The following PRR5 variants were observed in gnomAD, a reference collection of about 807,000 sequenced individuals.
PRR5 encodes the protein proline-rich protein 5.
In PRR5, 25 loss-of-function variants were observed where a neutral mutation model predicts 30.6. That is an observed-to-expected ratio of 0.82 (90% CI 0.60 to 1.14). The LOEUF (loss-of-function observed/expected upper bound fraction) is 1.14. PRR5 is among the 50% of genes most tolerant of loss of function. The probability of loss-of-function intolerance (pLI) is 0.00; values close to 1 mark genes in which losing one functional copy is unlikely to be tolerated. For synonymous variants in PRR5, 286 were observed against 247.1 expected, an observed-to-expected ratio of 1.16 and a Z score of -1.48; for missense variants, 600 against 547.1, an observed-to-expected ratio of 1.10 and a Z score of -0.96.
chr22:44,726,467 C>A (rs1349703319), intron 3 of PRR5, 110 bp from the exon 4 acceptor site: 4 of 1,510,230 alleles, frequency 2.6e-6, no homozygotes, highest in South Asian at 2.4e-5. Context: ...GTCTCCTCCC[C>A]CTTTAAGCCT....
At chr22:44,716,440 G>A (rs766053135) in intron 2 of PRR5, among the ~76,000 whole-genome samples, 2 of 152,220 alleles carry the variant, frequency 1.3e-5, no homozygotes, top group Non-Finnish European at 2.9e-5. Context: ...GGAAGCCAAG[G>A]TAGGGGGATC....
At chr22:44,730,363 C>G (rs1921722090) in intron 4 of PRR5, 1 of 984,714 alleles carries the variant, frequency 1.0e-6, no homozygotes, top group Non-Finnish European at 1.2e-6. Flanking sequence ...ACAGCAGAGG[C>G]CTTGGGGACA....
chr22:44,689,544 G>T (rs1003994353), intron 1 of PRR5, among the ~76,000 whole-genome samples: 1 of 152,238 alleles, frequency 6.6e-6, no homozygotes, highest in Non-Finnish European at 1.5e-5. Context: ...ACTGAGCTCC[G>T]TGTAGGCTGG....
intron 4 of PRR5, among the ~76,000 whole-genome samples, chr22:44,728,471 G>T (rs112836423): frequency 6.6e-6 from 1 of 152,232 alleles, no homozygotes; most frequent in Admixed American, 6.5e-5. Context: ...ACACGGACCC[G>T]AGGGTGACAG....
intron 1 of PRR5, among the ~76,000 whole-genome samples, chr22:44,710,002 A>T (rs529720318): frequency 2.3e-4 from 35 of 152,208 alleles, no homozygotes; most frequent in Admixed American, 6.5e-4. Context: ...GTGTGGTGGT[A>T]CACCACCCTG....
intron 7 of PRR5, among the ~76,000 whole-genome samples, chr22:44,736,038 TCTTGGGATTG>T (rs1923181420): frequency 6.6e-6 from 1 of 152,168 alleles, no homozygotes; most frequent in South Asian, 2.1e-4. Context: ...TGGTGGCCAC[TCTTGGGATTG>T]CAGGGTCCTG....
upstream of PRR5, among the ~76,000 whole-genome samples, chr22:44,698,062 T>C (rs1925921871): frequency 6.6e-6 from 1 of 152,162 alleles, no homozygotes; most frequent in South Asian, 2.1e-4. Flanking sequence ...TCTGTTCCTG[T>C]CCCCTGGGTG....
upstream of PRR5, among the ~76,000 whole-genome samples, chr22:44,672,271 G>A (rs2086613784): frequency 6.6e-6 from 1 of 152,178 alleles, no homozygotes; most frequent in Non-Finnish European, 1.5e-5. Flanking sequence ...GGATGGGGAA[G>A]GGCCAAGTCC....
chr22:44,704,347 G>A (rs1199831686), intron 1 of PRR5, among the ~76,000 whole-genome samples: 1 of 152,056 alleles, frequency 6.6e-6, no homozygotes, highest in Admixed American at 6.6e-5. Context: ...AGACAGGTGG[G>A]GGCACTGGCT....
At chr22:44,692,187 CGGGGCTCCTCCTCCCACGCTCCTCCACCA>C (rs1601967782) in intron 1 of PRR5, among the ~76,000 whole-genome samples, 3 of 142,916 alleles carry the variant, frequency 2.1e-5, no homozygotes, top group South Asian at 4.5e-4. Flanking sequence ...CTCCTCCACC[CGGGGCTCCTCCTCCCACGCTCCTCCACCA>C]GGGGCTCCTC....
At chr22:44,705,499 A>G (rs1316056843) in intron 1 of PRR5, among the ~76,000 whole-genome samples, 1 of 149,322 alleles carries the variant, frequency 6.7e-6, no homozygotes. Flanking sequence ...AATTTTTTGT[A>G]CTTTTAGTAG....
chr22:44,729,106 G>A (rs1040130930), intron 4 of PRR5, among the ~76,000 whole-genome samples: 2 of 152,274 alleles, frequency 1.3e-5, no homozygotes, highest in African/African-American at 2.4e-5. Context: ...ATCTGCCGTC[G>A]CTCATCCACC....
At chr22:44,672,004 G>A (rs1923455773) in intron 1 of PRR5, among the ~76,000 whole-genome samples, 1 of 152,250 alleles carries the variant, frequency 6.6e-6, no homozygotes, top group African/African-American at 2.4e-5. Flanking sequence ...GCATAGTCTT[G>A]TAGTGCTGTG....
At chr22:44,672,432 A>G (rs559927763), upstream of PRR5, among the ~76,000 whole-genome samples, 1 of 152,082 alleles carries the variant, frequency 6.6e-6, no homozygotes, top group African/African-American at 2.4e-5. Flanking sequence ...TAAAAATACA[A>G]AATTAGCCAG....
At chr22:44,684,969 C>T (rs1001949248) in intron 1 of PRR5, among the ~76,000 whole-genome samples, 12 of 152,146 alleles carry the variant, frequency 7.9e-5, no homozygotes, top group African/African-American at 2.7e-4. Flanking sequence ...GGGCCCGGCA[C>T]GAAGTAGGCG....
At position 44,680,136 on chromosome 22, in the gene PRR5, G is replaced by A. The variant is rs1014273221; in HGVS notation, c.-11+2896G>A. ...ACGTTTCTCAGAATGGAGGGTGCTC[G>A]GGGCCGTAGGGCACAGATACTGATG... is the stretch of plus-strand genomic sequence containing the variant. On this transcript the variant is annotated intron_variant, in intron 1 of 8. Transcript: ENST00000006251. Among the ~76,000 whole-genome samples, 8 of 152,144 alleles carry A rather than the reference G, an allele frequency of 5.3e-5. 1 individual carries two copies. The highest frequency in any genetic ancestry group is 1.0e-4 in the Non-Finnish European group (7 of 68,030).
intron 2 of PRR5, among the ~76,000 whole-genome samples, chr22:44,719,996 C>T (rs1479006807): frequency 6.6e-6 from 1 of 152,202 alleles, no homozygotes; most frequent in Non-Finnish European, 1.5e-5. Flanking sequence ...CCTGCTAGCC[C>T]CTAGGGCCTG....
At chr22:44,678,039 C>T (rs1279237317) in intron 1 of PRR5, among the ~76,000 whole-genome samples, 1 of 152,120 alleles carries the variant, frequency 6.6e-6, no homozygotes, top group East Asian at 1.9e-4. Context: ...GCCTAAGGTG[C>T]TTAGAGTTCT....
rs560383461 is a variant in PRR5 at position 44,730,790 on chromosome 22, G to T, written c.323-940G>T. 3.5e-4 allele frequency: 214 copies of T among 603,184 alleles called. 1 individual carries two copies. The African/African-American group carries it at 3.9e-3, about 11-fold the overall frequency. The allele number at this position is 603,184 out of a possible 1,614,324, so 37.4% of individuals were successfully genotyped here. A position where few individuals can be genotyped will look rare whatever the true frequency, so the allele number is the denominator to read the frequency against. ...CGTGGATCCCCAGACCTGACCACAGGCAGAGCTGGCCTGGCCCTGGGTCCT... is the reference window on the plus strand; with the variant it reads ...CGTGGATCCCCAGACCTGACCACAGTCAGAGCTGGCCTGGCCCTGGGTCCT... On this transcript the variant is annotated intron_variant, in intron 4 of 7. Coordinates refer to ENST00000336985, the MANE Select transcript of PRR5 (RefSeq NM_181333.4).
Sources: gnomAD v4.1 joint callset for allele counts (sites outside exome capture counted in the v4.1 genomes callset) on GRCh38, gnomAD v4.1.1 for gene constraint, MANE v1.5 for transcripts, NCBI Gene and HGNC (gene_info 2026-07-23, HGNC 2026-07-21) for gene names.